The following IQCM variants were observed in gnomAD, a reference collection of about 807,000 sequenced individuals.
IQCM encodes the protein IQ domain-containing protein M.
In IQCM, 45 loss-of-function variants were observed where a neutral mutation model predicts 57.6. That is an observed-to-expected ratio of 0.78 (90% CI 0.62 to 1.00). The LOEUF (loss-of-function observed/expected upper bound fraction) is 1.00. Among genes scored for constraint, IQCM ranks in the 50% least tolerant of loss-of-function variants. The pLI is 0.00. For synonymous variants in IQCM, 148 were observed against 158.9 expected (o/e 0.93, Z 0.51); for missense variants, 468 against 511.6 (o/e 0.91, Z 0.82).
chr4:149,375,330 C>T (rs956230178), intron 13 of IQCM, among the ~76,000 whole-genome samples: 2 of 152,068 alleles, frequency 1.3e-5, no homozygotes, highest in African/African-American at 4.8e-5. Flanking sequence ...GATATTTCTG[C>T]TCTTGTCGTC....
At chr4:149,357,409 G>T (rs1038140748) in intron 13 of IQCM, among the ~76,000 whole-genome samples, 1 of 152,104 alleles carries the variant, frequency 6.6e-6, no homozygotes, top group Non-Finnish European at 1.5e-5. Context: ...ATTATTTTGA[G>T]ATACGTCCCA....
intron 7 of IQCM, among the ~76,000 whole-genome samples, chr4:149,623,718 GGTGT>G (rs3057342): frequency 0.013 from 1,914 of 145,976 alleles, 21 homozygotes; most frequent in African/African-American, 0.035. Flanking sequence ...CTGAATCCCA[GGTGT>G]GTGTGTGTGT....
chr4:149,588,309 G>C (rs1389616841), intron 8 of IQCM, among the ~76,000 whole-genome samples: 3 of 151,668 alleles, frequency 2.0e-5, no homozygotes, highest in African/African-American at 7.3e-5. Context: ...TTACAAAAGA[G>C]ATTTAAGATG....
At chr4:149,502,604 G>T (rs1030640114) in intron 12 of IQCM, among the ~76,000 whole-genome samples, 1 of 152,120 alleles carries the variant, frequency 6.6e-6, no homozygotes, top group Non-Finnish European at 1.5e-5. Flanking sequence ...AGCCCTAGAG[G>T]TCGAGGCTGC....
At chr4:149,807,779 T>C (rs952520994) in intron 2 of IQCM, among the ~76,000 whole-genome samples, 8 of 151,984 alleles carry the variant, frequency 5.3e-5, no homozygotes, top group African/African-American at 1.7e-4. Context: ...AAGACCTGAA[T>C]AGACACATCT....
At chr4:149,559,877 C>G (rs991977920) in intron 10 of IQCM, among the ~76,000 whole-genome samples, 1 of 152,216 alleles carries the variant, frequency 6.6e-6, no homozygotes, top group Non-Finnish European at 1.5e-5. Flanking sequence ...TGAGCTCCTT[C>G]TCCTGTCAGG....
intron 4 of IQCM, among the ~76,000 whole-genome samples, chr4:149,734,780 C>A (rs958962878): frequency 6.6e-6 from 1 of 152,080 alleles, no homozygotes; most frequent in Non-Finnish European, 1.5e-5. Context: ...GCTGACCCTC[C>A]TCTGTCTCTT....
intron 7 of IQCM, among the ~76,000 whole-genome samples, chr4:149,675,047 A>C (rs2150187732): frequency 6.6e-6 from 1 of 152,160 alleles, no homozygotes; most frequent in African/African-American, 2.4e-5. Flanking sequence ...TCTAGACCAT[A>C]ACTATTGGAG....
intron 9 of IQCM, among the ~76,000 whole-genome samples, chr4:149,576,358 G>A (rs980002954): frequency 9.2e-5 from 14 of 151,682 alleles, no homozygotes; most frequent in African/African-American, 2.7e-4. Context: ...TTGTATCCAC[G>A]TGTACCCAAT....
chr4:149,648,649 C>T (rs1561103592), intron 7 of IQCM, among the ~76,000 whole-genome samples: 1 of 151,806 alleles, frequency 6.6e-6, no homozygotes, highest in East Asian at 1.9e-4. Flanking sequence ...ACTGCAAGGA[C>T]AAAAAACCAA....
rs537684044 is a variant in IQCM at position 149,689,293 on chromosome 4, C to T, written c.386-2825G>A. Reference sequence around the variant, plus strand: ...ATGAAGCTGGAAATCATCATCTGCACCAAATTAACACAGGAACAGAAAACC... The same window carrying T: ...ATGAAGCTGGAAATCATCATCTGCATCAAATTAACACAGGAACAGAAAACC... On this transcript the variant is annotated intron_variant, in intron 5 of 13. Transcript: ENST00000636793. 9.2e-5 allele frequency among the ~76,000 whole-genome samples: 14 copies of T among 151,852 alleles called. 1 individual carries two copies. The highest frequency in any genetic ancestry group is 9.2e-4 in the Admixed American group (14 of 15,206).
chr4:149,757,741 ATG>A (rs3085133), intron 2 of IQCM, among the ~76,000 whole-genome samples: 81,382 of 150,252 alleles, frequency 0.54, 24,298 homozygotes, highest in East Asian at 0.76. Flanking sequence ...GATATTATAT[ATG>A]TGTGTGTGTG....
chr4:149,433,606 G>A (rs1735070638), intron 12 of IQCM, 49 bp from the exon 13 acceptor site: 3 of 727,294 alleles, frequency 4.1e-6, no homozygotes, highest in South Asian at 7.3e-5. Flanking sequence ...TTTACAGACT[G>A]TCATACTTGC....
intron 12 of IQCM, among the ~76,000 whole-genome samples, chr4:149,519,021 G>A (rs919333094): frequency 9.2e-5 from 14 of 152,270 alleles, no homozygotes; most frequent in Middle Eastern, 6.8e-3. Context: ...AGAGAAAAAA[G>A]CAGAGGAAAG....
intron 12 of IQCM, among the ~76,000 whole-genome samples, chr4:149,479,511 CT>C (rs1296233280): frequency 2.0e-5 from 3 of 152,132 alleles, no homozygotes; most frequent in Non-Finnish European, 4.4e-5. Context: ...AATAGGCACT[CT>C]TATTATTTCC....
chr4:149,810,764 T>G (rs1774500493), intron 2 of IQCM, among the ~76,000 whole-genome samples: 1 of 152,128 alleles, frequency 6.6e-6, no homozygotes, highest in African/African-American at 2.4e-5. Flanking sequence ...ACATATAATT[T>G]TAATTATTTT....
intron 12 of IQCM, among the ~76,000 whole-genome samples, chr4:149,520,106 G>A (rs1048586670): frequency 1.3e-5 from 2 of 152,136 alleles, no homozygotes; most frequent in Admixed American, 1.3e-4. Flanking sequence ...ATAATGGTAG[G>A]GTAATAATGG....
rs569025406 is a variant in IQCM, at chr4:149,610,671, G to A, written c.681+10458C>T. 3.0e-4 allele frequency among the ~76,000 whole-genome samples: 45 copies of A among 152,124 alleles called. No individual in the cohort carries two copies. In the Middle Eastern group the frequency reaches 0.014, roughly 46 times the overall value. On this transcript the variant is annotated intron_variant, in intron 8 of 13. Coordinates refer to ENST00000636793, the MANE Select transcript of IQCM (RefSeq NM_001363507.2). Reference sequence around the variant, plus strand: ...TGGGAAAACTGAACATCCATAGGCAGAAGAATGAAACTAGACCCCTATATC... The same window carrying A: ...TGGGAAAACTGAACATCCATAGGCAAAAGAATGAAACTAGACCCCTATATC...
intron 12 of IQCM, among the ~76,000 whole-genome samples, chr4:149,537,002 T>C (rs556613600): frequency 1.3e-5 from 2 of 152,012 alleles, no homozygotes; most frequent in Non-Finnish European, 2.9e-5. Flanking sequence ...GGAGAATCCA[T>C]AGTTGTAACA....
Sources: gnomAD v4.1 joint callset for allele counts (sites outside exome capture counted in the v4.1 genomes callset) on GRCh38, gnomAD v4.1.1 for gene constraint, MANE v1.5 for transcripts, NCBI Gene and HGNC (gene_info 2026-07-23, HGNC 2026-07-21) for gene names.